RAB39A: variants seen among roughly 807,000 people sequenced by gnomAD.
RAB39A encodes the protein RAB39A, member RAS oncogene family, also known as ras-related protein Rab-39A.
Under a neutral mutation model 20.9 loss-of-function variants are expected in RAB39A, and 17 were observed. The ratio of observed to expected loss-of-function variants is 0.81; its 90% confidence interval spans 0.56 to 1.22. The LOEUF is 1.22. RAB39A is among the 50% of genes most tolerant of loss of function. The probability of loss-of-function intolerance (pLI) is 0.00; values close to 1 mark genes in which losing one functional copy is unlikely to be tolerated. For missense variants in RAB39A, 234 were observed against 270.5 expected, an observed-to-expected ratio of 0.87 and a Z score of 0.95; for synonymous variants, 99 against 103.4, an observed-to-expected ratio of 0.96 and a Z score of 0.26.
intron 1 of RAB39A, among the ~76,000 whole-genome samples, chr11:107,954,471 C>G (rs1278785769): frequency 6.6e-6 from 1 of 152,178 alleles, no homozygotes; most frequent in Admixed American, 6.5e-5. Flanking sequence ...GCATGCCAAA[C>G]CCTTCGCGTC....
At chr11:107,946,604 C>T (rs1190710729) in intron 1 of RAB39A, among the ~76,000 whole-genome samples, 1 of 147,512 alleles carries the variant, frequency 6.8e-6, no homozygotes, top group Non-Finnish European at 1.5e-5. Context: ...TCCCAAGTAG[C>T]TGGGACTACA....
chr11:107,933,928 T>C (rs929244653), intron 1 of RAB39A, among the ~76,000 whole-genome samples: 4 of 152,074 alleles, frequency 2.6e-5, no homozygotes, highest in African/African-American at 7.2e-5. Context: ...AGTGCTGGGA[T>C]TACAAGCGTA....
intron 1 of RAB39A, among the ~76,000 whole-genome samples, chr11:107,934,885 C>T (rs1861177877): frequency 7.0e-6 from 1 of 142,698 alleles, no homozygotes; most frequent in South Asian, 2.3e-4. Context: ...GCCGAGATTA[C>T]ACCATTTCAC....
intron 1 of RAB39A, among the ~76,000 whole-genome samples, chr11:107,932,006 C>G (rs1861142759): frequency 6.6e-6 from 1 of 150,862 alleles, no homozygotes; most frequent in African/African-American, 2.4e-5. Context: ...ACTACAGACA[C>G]ACACCACCAC....
intron 1 of RAB39A, among the ~76,000 whole-genome samples, chr11:107,939,891 G>C (rs944892127): frequency 8.5e-5 from 13 of 152,166 alleles, no homozygotes; most frequent in African/African-American, 3.1e-4. Flanking sequence ...AGATATGGTT[G>C]TGAGTCCATG....
chr11:107,937,592 G>A lies in RAB39A; in HGVS notation c.227+8797G>A, dbSNP rs1303265446. 2.6e-5 allele frequency among the ~76,000 whole-genome samples: 4 copies of A among 151,418 alleles called. No homozygotes were observed. The East Asian group carries it at 7.7e-4, about 29-fold the overall frequency. ...GCTCTGTCGCCCAGGCTGGAGTGCA[G>A]TGGCGCAATCTCGGCTCACTGCAAG... On this transcript the variant is annotated intron_variant, in intron 1 of 1. Coordinates refer to ENST00000320578, the MANE Select transcript of RAB39A (RefSeq NM_017516.3).
At chr11:107,951,575 A>G (rs1030980443) in intron 1 of RAB39A, among the ~76,000 whole-genome samples, 3 of 150,696 alleles carry the variant, frequency 2.0e-5, no homozygotes, top group African/African-American at 7.3e-5. Context: ...AAAATTCATG[A>G]TAATAACACA....
At chr11:107,939,383 G>C (rs1317538269) in intron 1 of RAB39A, among the ~76,000 whole-genome samples, 2 of 150,762 alleles carry the variant, frequency 1.3e-5, no homozygotes, top group African/African-American at 4.9e-5. Context: ...GAGGCGGGCA[G>C]ATCACAAGGT....
At chr11:107,936,933 C>CAAA (rs376440567) in intron 1 of RAB39A, among the ~76,000 whole-genome samples, 2 of 123,220 alleles carry the variant, frequency 1.6e-5, no homozygotes, top group Admixed American at 7.8e-5. Flanking sequence ...GACTCCCCCT[C>CAAA]CAAAAAAAAA....
chr11:107,928,465 G>A lies in RAB39A; in HGVS notation c.-104G>A. ...GCGGCCGCAGCCGCAGGAATATGCT[G>A]GAAGGCGGCGGGCGGGCGCCCGCGA... is the stretch of plus-strand genomic sequence containing the variant. On this transcript the variant is annotated 5_prime_UTR_variant, in exon 1 of 2. Coordinates refer to ENST00000320578, the MANE Select transcript of RAB39A (RefSeq NM_017516.3). The surrounding 1 kb of genome is among the most constrained non-coding windows in gnomAD (Gnocchi z 4.9). The A allele has an allele frequency of 1.2e-6, 1 of 845,176 alleles. No individual in the cohort carries two copies. 52.4% of individuals were successfully genotyped at this position (845,176 alleles called of 1,614,324 possible).
chr11:107,959,537 G>A (rs1861474160), intron 1 of RAB39A, among the ~76,000 whole-genome samples: 1 of 152,146 alleles, frequency 6.6e-6, no homozygotes, highest in Non-Finnish European at 1.5e-5. Flanking sequence ...TCGGGTTGGT[G>A]AAAAACTCAA....
At chr11:107,945,252 G>C (rs1364676391) in intron 1 of RAB39A, among the ~76,000 whole-genome samples, 1 of 145,878 alleles carries the variant, frequency 6.9e-6, no homozygotes, top group East Asian at 2.0e-4. Flanking sequence ...GGAGGCTGAG[G>C]TCAGCAGATC....
At chr11:107,930,969 T>C (rs1861129868) in intron 1 of RAB39A, among the ~76,000 whole-genome samples, 1 of 152,024 alleles carries the variant, frequency 6.6e-6, no homozygotes, top group African/African-American at 2.4e-5. Context: ...GAGATGATTG[T>C]TTTTTAACTT....
intron 1 of RAB39A, among the ~76,000 whole-genome samples, chr11:107,940,725 C>T (rs1861250501): frequency 6.6e-6 from 1 of 152,136 alleles, no homozygotes; most frequent in African/African-American, 2.4e-5. Context: ...GTAATCCCAG[C>T]ACTTTGGGAG....
chr11:107,962,284 G>A lies in RAB39A; in HGVS notation c.566G>A (p.Gly189Asp), dbSNP rs779291941. Residue 189 changes from glycine (G) to aspartate (D), a missense_variant, in exon 2 of 2, where the codon GGC becomes GAC. Gly to Asp is a moderately conservative substitution (Grantham distance 94, BLOSUM62 -1). Coordinates refer to ENST00000320578, the MANE Select transcript of RAB39A (RefSeq NM_017516.3). ...AAGGGAGAAATTTGTATTCAGGATG[G>A]CTGGGAAGGGGTTAAAAGTGGTTTT... ...IKKGEICIQD[G>D]WEGVKSGFVP... 1 of 1,613,798 alleles carries A rather than the reference G, an allele frequency of 6.2e-7. No homozygotes were observed. The highest frequency in any genetic ancestry group is 8.5e-7 in the Non-Finnish European group (1 of 1,179,926).
chr11:107,932,407 G>T (rs1339467068), intron 1 of RAB39A, among the ~76,000 whole-genome samples: 1 of 152,170 alleles, frequency 6.6e-6, no homozygotes, highest in Non-Finnish European at 1.5e-5. Context: ...CCATCATTCA[G>T]TTTCCTTCTT....
intron 1 of RAB39A, among the ~76,000 whole-genome samples, chr11:107,950,493 G>A (rs558274806): frequency 2.6e-5 from 4 of 152,196 alleles, no homozygotes; most frequent in Admixed American, 6.5e-5. Flanking sequence ...AAGTCTGGGC[G>A]CGGTGGCTCA....
chr11:107,935,535 C>T (rs879433041), intron 1 of RAB39A, among the ~76,000 whole-genome samples: 13 of 151,840 alleles, frequency 8.6e-5, no homozygotes, highest in South Asian at 2.1e-4. Context: ...CCACCATGCC[C>T]GGCTAATTTT....
intron 1 of RAB39A, among the ~76,000 whole-genome samples, chr11:107,957,495 G>C (rs1482726528): frequency 6.6e-6 from 1 of 152,208 alleles, no homozygotes; most frequent in Non-Finnish European, 1.5e-5. Flanking sequence ...GCAAGGAAAG[G>C]AGACTGCTCC....
Sources: gnomAD v4.1 joint callset for allele counts (sites outside exome capture counted in the v4.1 genomes callset) on GRCh38, gnomAD v4.1.1 for gene constraint, Gnocchi (gnomAD v3.1) non-coding constraint, MANE v1.5 for transcripts, NCBI Gene and HGNC (gene_info 2026-07-23, HGNC 2026-07-21) for gene names.